CRISPLD2: variants seen among roughly 807,000 people sequenced by gnomAD.
The protein encoded by CRISPLD2 is cysteine rich secretory protein LCCL domain containing 2.
Under a neutral mutation model 71.1 loss-of-function variants are expected in CRISPLD2, and 47 were observed. The observed-to-expected ratio is 0.66, with a 90% CI of 0.52 to 0.84. The LOEUF (loss-of-function observed/expected upper bound fraction) is 0.84, where lower values mean the gene tolerates loss of function less well. CRISPLD2 is among the 40% of genes least tolerant of loss of function. The probability of loss-of-function intolerance (pLI) is 0.00; values close to 1 mark genes in which losing one functional copy is unlikely to be tolerated. For synonymous variants in CRISPLD2, 317 were observed against 250.1 expected (o/e 1.27, Z -2.52); for missense variants, 830 against 651.1 (o/e 1.27, Z -2.99).
At chr16:84,882,708 A>G (rs1193756015) in intron 13 of CRISPLD2, among the ~76,000 whole-genome samples, 2 of 152,232 alleles carry the variant, frequency 1.3e-5, no homozygotes, top group Non-Finnish European at 2.9e-5. Context: ...CCCAGCCAGA[A>G]GGCTACCTTT....
At chr16:84,829,018 T>G (rs1414276750) in intron 1 of CRISPLD2, 1 of 151,876 alleles carries the variant, frequency 6.6e-6, no homozygotes, top group African/African-American at 2.4e-5. Context: ...GAGGTTCCAG[T>G]GAGCTGAGAT....
At chr16:84,845,216 A>T (rs1434468761) in intron 2 of CRISPLD2, among the ~76,000 whole-genome samples, 1 of 152,174 alleles carries the variant, frequency 6.6e-6, no homozygotes, top group East Asian at 1.9e-4. Flanking sequence ...CTTGCCTGTG[A>T]AATGGAGATA....
intron 1 of CRISPLD2, among the ~76,000 whole-genome samples, chr16:84,835,338 G>A (rs912071054): frequency 2.6e-5 from 4 of 152,134 alleles, no homozygotes; most frequent in Non-Finnish European, 4.4e-5. Context: ...ACCTGCCTCG[G>A]CCTCCCAAAG....
chr16:84,869,599 T>C (rs774198), intron 8 of CRISPLD2, among the ~76,000 whole-genome samples: 57,358 of 152,138 alleles, frequency 0.38, 11,414 homozygotes, highest in East Asian at 0.65. Flanking sequence ...CATGTGGTAC[T>C]GTCGTTTGTT....
intron 14 of CRISPLD2, among the ~76,000 whole-genome samples, chr16:84,891,290 C>T (rs1173902598): frequency 6.6e-5 from 10 of 152,222 alleles, no homozygotes; most frequent in East Asian, 1.9e-4. Flanking sequence ...TCCTGGGACA[C>T]GGCCCCTGCT....
chr16:84,902,949 T>C (rs2071768730), intron 14 of CRISPLD2, among the ~76,000 whole-genome samples: 1 of 151,596 alleles, frequency 6.6e-6, no homozygotes, highest in Admixed American at 6.6e-5. Context: ...ATTTTTGTAT[T>C]TTTAGTAGGG....
At chr16:84,902,210 A>G (rs1567708038) in intron 14 of CRISPLD2, among the ~76,000 whole-genome samples, 1 of 152,194 alleles carries the variant, frequency 6.6e-6, no homozygotes, top group Non-Finnish European at 1.5e-5. Context: ...TTTATTAGCA[A>G]TTCATGTATC....
chr16:84,857,243 T>C (rs924261854), intron 6 of CRISPLD2, among the ~76,000 whole-genome samples: 2 of 152,232 alleles, frequency 1.3e-5, no homozygotes, highest in Non-Finnish European at 2.9e-5. Flanking sequence ...CATGGGCCCA[T>C]TGGGCGATGA....
intron 13 of CRISPLD2, among the ~76,000 whole-genome samples, chr16:84,886,351 A>G (rs2071613072): frequency 6.6e-6 from 1 of 152,178 alleles, no homozygotes; most frequent in Non-Finnish European, 1.5e-5. Flanking sequence ...TGGCTTTAGC[A>G]ATGCTTCCGG....
chr16:84,828,773 G>T (rs1916416892), intron 1 of CRISPLD2, among the ~76,000 whole-genome samples: 1 of 152,000 alleles, frequency 6.6e-6, no homozygotes, highest in Non-Finnish European at 1.5e-5. Context: ...CATTAAATAA[G>T]AGTTTGTTGA....
chr16:84,856,057 G>T (rs1473612174), intron 6 of CRISPLD2, among the ~76,000 whole-genome samples: 1 of 152,218 alleles, frequency 6.6e-6, no homozygotes, highest in African/African-American at 2.4e-5. Context: ...TGGTATTGAT[G>T]ACTACCTTCT....
chr16:84,851,726 C>G (rs1329583592), intron 5 of CRISPLD2, among the ~76,000 whole-genome samples: 1 of 152,150 alleles, frequency 6.6e-6, no homozygotes, highest in African/African-American at 2.4e-5. Flanking sequence ...TGGTGGAATT[C>G]CTGGCCCAGT....
intron 2 of CRISPLD2, among the ~76,000 whole-genome samples, chr16:84,843,520 A>G (rs566261360): frequency 6.6e-6 from 1 of 152,340 alleles, no homozygotes; most frequent in Non-Finnish European, 1.5e-5. Flanking sequence ...GTCACTGGCC[A>G]GCTTTGTGAC....
intron 13 of CRISPLD2, 102 bp from the exon 14 acceptor site, chr16:84,889,128 C>T (rs1468661823): frequency 1.4e-5 from 21 of 1,483,764 alleles, no homozygotes; most frequent in Non-Finnish European, 1.9e-5. Flanking sequence ...GGGTCCACAT[C>T]CCACCAGCCA....
chr16:84,858,830 C>G (rs1346453959), intron 6 of CRISPLD2, among the ~76,000 whole-genome samples: 1 of 152,196 alleles, frequency 6.6e-6, no homozygotes, highest in Non-Finnish European at 1.5e-5. Flanking sequence ...TGGCTGCATA[C>G]CAGGTACCAG....
rs201594420 is a variant in CRISPLD2 at position 84,845,063 on chromosome 16, AT to A, written c.241-721del. On this transcript the variant is annotated intron_variant, in intron 2 of 14. Coordinates refer to ENST00000262424, the MANE Select transcript of CRISPLD2 (RefSeq NM_031476.4). Reference sequence around the variant, plus strand: ...CCTGGCCTAGGAATAGCATCTGATTATTACCTGCTGTGGTCCACACATAACT... The same window carrying A: ...CCTGGCCTAGGAATAGCATCTGATTATACCTGCTGTGGTCCACACATAACT... Among the ~76,000 whole-genome samples the A allele has an allele frequency of 1.2e-3, 187 of 152,304 alleles. 1 individual carries two copies. In the East Asian group the frequency reaches 0.019, roughly 15 times the overall value.
chr16:84,833,920 G>T (rs16974687), intron 1 of CRISPLD2, among the ~76,000 whole-genome samples: 15,142 of 152,130 alleles, frequency 0.1, 1,329 homozygotes, highest in African/African-American at 0.2. Flanking sequence ...GGCAAGATTC[G>T]GTTGTTTGGT....
chr16:84,889,423 G>C, intron 14 of CRISPLD2, 60 bp downstream of exon 14: 1 of 1,550,420 alleles, frequency 6.4e-7, no homozygotes, highest in Non-Finnish European at 8.7e-7. Flanking sequence ...TCCCTCAGGG[G>C]GCCTGGGAAG....
At chr16:84,830,425 C>T (rs776973711) in intron 1 of CRISPLD2, among the ~76,000 whole-genome samples, 11 of 152,132 alleles carry the variant, frequency 7.2e-5, no homozygotes, top group South Asian at 2.1e-4. Context: ...AGTTATATTC[C>T]GGGCATGGTG....
Sources: gnomAD v4.1 joint callset for allele counts (sites outside exome capture counted in the v4.1 genomes callset) on GRCh38, gnomAD v4.1.1 for gene constraint, MANE v1.5 for transcripts, NCBI Gene and HGNC (gene_info 2026-07-23, HGNC 2026-07-21) for gene names.